TRHDE: variants seen among roughly 807,000 people sequenced by gnomAD.
The protein encoded by TRHDE is thyrotropin-releasing hormone-degrading ectoenzyme.
Under a neutral mutation model 125.7 loss-of-function variants are expected in TRHDE, and 72 were observed. The observed-to-expected ratio is 0.57, with a 90% CI of 0.47 to 0.70. The LOEUF is 0.70. Ranked by LOEUF, TRHDE falls within the 30% of genes least tolerant of loss-of-function variation. The probability of loss-of-function intolerance (pLI) is 0.00; values close to 1 mark genes in which losing one functional copy is unlikely to be tolerated. For missense variants in TRHDE, 1,110 were observed against 1,327.1 expected, an observed-to-expected ratio of 0.84 and a Z score of 2.54; for synonymous variants, 509 against 509.1, an observed-to-expected ratio of 1.00 and a Z score of 0.00.
At chr12:72,304,884 C>T (rs1335986314) in intron 2 of TRHDE, among the ~76,000 whole-genome samples, 1 of 152,084 alleles carries the variant, frequency 6.6e-6, no homozygotes, top group Non-Finnish European at 1.5e-5. Context: ...GCTGATGTCT[C>T]TAGGGAAGTA....
At chr12:72,634,423 CTT>C (rs779986201) in intron 15 of TRHDE, among the ~76,000 whole-genome samples, 41 of 134,246 alleles carry the variant, frequency 3.1e-4, no homozygotes, top group Admixed American at 5.9e-4. Context: ...GGAATATTTT[CTT>C]TTTTTTTTTT....
Position 72,575,554 on chromosome 12 carries a change from T to C in TRHDE, c.2321+12T>C, listed in dbSNP as rs1381749838. ...TTCAGCCTAGCCAGGTATGTTTTCC[T>C]GTGGATCTCCCCAATAAAAACTTGT... On this transcript the variant is annotated intron_variant, in intron 12 of 18. Transcript: ENST00000261180. 1 of 1,613,352 alleles carries C rather than the reference T, an allele frequency of 6.2e-7. No individual in the cohort carries two copies. The highest frequency in any genetic ancestry group is 8.5e-7 in the Non-Finnish European group (1 of 1,179,478).
At position 72,193,070 on chromosome 12, in the gene TRHDE, CT is replaced by C. The variant is rs202231170; in HGVS notation, n.279+87319del. Among the ~76,000 whole-genome samples the C allele has an allele frequency of 1.6e-3, 244 of 151,932 alleles. 5 individuals are homozygous for C. The East Asian group carries it at 0.043, about 27-fold the overall frequency. On this transcript the variant is annotated intron_variant and non_coding_transcript_variant, in intron 2 of 4. Coordinates refer to the TRHDE transcript ENST00000548156. ...TCAGATTCTTGTAATTGGAAATTGT[CT>C]CATTTAAAATTTTTGGCTGGGATCA...
intron 2 of TRHDE, chr12:72,255,275 C>A (rs1263795523): frequency 1.3e-5 from 2 of 152,196 alleles, no homozygotes; most frequent in African/African-American, 2.4e-5. Context: ...ACTGTGTCAA[C>A]CACAAGGAAC....
At position 72,120,464 on chromosome 12, in the gene TRHDE, G is replaced by A. The variant is rs181802892; in HGVS notation, n.279+14712G>A. On this transcript the variant is annotated intron_variant and non_coding_transcript_variant, in intron 2 of 4. Coordinates refer to the TRHDE transcript ENST00000548156. ...CCTTCCTTTAAGGTGATTTTCTCTC[G>A]TGGTATGTTTTAATTTCTTGCTTTC... Among the ~76,000 whole-genome samples the A allele has an allele frequency of 1.5e-4, 22 of 151,250 alleles. No homozygotes were observed. In the East Asian group the frequency reaches 2.7e-3, roughly 19 times the overall value.
chr12:72,526,375 T>C (rs1868337577), intron 6 of TRHDE, among the ~76,000 whole-genome samples: 1 of 152,118 alleles, frequency 6.6e-6, no homozygotes, highest in Non-Finnish European at 1.5e-5. Flanking sequence ...TTGTTTACTT[T>C]TTGTCAGCTT....
At position 72,378,317 on chromosome 12, in the gene TRHDE, A is replaced by T. The variant is rs376807501; in HGVS notation, c.1315+196A>T. On this transcript the variant is annotated intron_variant, in intron 3 of 18. Coordinates refer to ENST00000261180, the MANE Select transcript of TRHDE (RefSeq NM_013381.3). Reference sequence around the variant, plus strand: ...TCTGGAATCTTGCCAATAAGTGCTCATAGGAATTAAGAAAGGCATTATGTT... The same window carrying T: ...TCTGGAATCTTGCCAATAAGTGCTCTTAGGAATTAAGAAAGGCATTATGTT... Among the ~76,000 whole-genome samples the T allele has an allele frequency of 1.1e-3, 173 of 152,338 alleles. 2 individuals carry two copies. In the South Asian group the frequency reaches 0.016, roughly 14 times the overall value.
intron 2 of TRHDE, among the ~76,000 whole-genome samples, chr12:72,215,628 CT>C (rs1424859754): frequency 6.6e-6 from 1 of 152,160 alleles, no homozygotes; most frequent in Admixed American, 6.6e-5. Flanking sequence ...GATCCCACAG[CT>C]TTGTTTTCAA....
At chr12:72,368,257 T>G (rs979475093) in intron 2 of TRHDE, among the ~76,000 whole-genome samples, 3 of 152,168 alleles carry the variant, frequency 2.0e-5, no homozygotes, top group Admixed American at 6.5e-5. Context: ...ATGATAAACT[T>G]AAAAAGTCTG....
intron 2 of TRHDE, among the ~76,000 whole-genome samples, chr12:72,299,784 C>A (rs1263346002): frequency 6.6e-6 from 1 of 152,080 alleles, no homozygotes; most frequent in East Asian, 1.9e-4. Flanking sequence ...AGGAGCCAGA[C>A]AATAAGACAA....
intron 10 of TRHDE, among the ~76,000 whole-genome samples, chr12:72,574,291 G>A (rs1196883264): frequency 6.6e-6 from 1 of 152,080 alleles, no homozygotes; most frequent in African/African-American, 2.4e-5. Context: ...TATGGTTTCT[G>A]TGATGCCTTT....
intron 2 of TRHDE, among the ~76,000 whole-genome samples, chr12:72,192,167 A>T (rs1175810310): frequency 6.6e-6 from 1 of 152,134 alleles, no homozygotes; most frequent in Non-Finnish European, 1.5e-5. Flanking sequence ...AGATTAGTTC[A>T]GGGTCTGCGT....
intron 2 of TRHDE, among the ~76,000 whole-genome samples, chr12:72,240,561 T>C (rs1878456480): frequency 6.6e-6 from 1 of 151,514 alleles, no homozygotes; most frequent in Non-Finnish European, 1.5e-5. Flanking sequence ...CCTTTCTTTC[T>C]CCAATTAATT....
At chr12:72,542,223 G>A (rs1344347268) in intron 6 of TRHDE, 68 bp from the exon 7 acceptor site, 12 of 1,235,330 alleles carry the variant, frequency 9.7e-6, no homozygotes, top group Non-Finnish European at 6.8e-6. Context: ...GACTAGATTT[G>A]AGTAAAACAA....
chr12:72,482,081 T>C (rs1877199936), intron 5 of TRHDE, among the ~76,000 whole-genome samples: 2 of 151,996 alleles, frequency 1.3e-5, no homozygotes, highest in Non-Finnish European at 2.9e-5. Context: ...TTTCATTCAT[T>C]CTATTTATTT....
At chr12:72,312,108 G>A (rs975311326) in intron 2 of TRHDE, among the ~76,000 whole-genome samples, 18 of 152,092 alleles carry the variant, frequency 1.2e-4, no homozygotes, top group South Asian at 2.1e-4. Context: ...TGTTATCACC[G>A]TTTACAGGCA....
At chr12:72,113,185 AT>A (rs1054652406) in intron 2 of TRHDE, among the ~76,000 whole-genome samples, 7 of 149,878 alleles carry the variant, frequency 4.7e-5, no homozygotes, top group East Asian at 2.0e-4. Flanking sequence ...ACCTGGCTAA[AT>A]TTTTTTTTTC....
chr12:72,232,465 G>GT (rs1878265339), intron 2 of TRHDE, among the ~76,000 whole-genome samples: 1 of 152,118 alleles, frequency 6.6e-6, no homozygotes, highest in Non-Finnish European at 1.5e-5. Flanking sequence ...GGACTCCAGG[G>GT]TGAATAGTTT....
intron 2 of TRHDE, among the ~76,000 whole-genome samples, chr12:72,116,994 C>T (rs565414267): frequency 9.9e-5 from 15 of 152,034 alleles, no homozygotes; most frequent in African/African-American, 3.4e-4. Flanking sequence ...GGTTATTAAT[C>T]CCCTGTCTGA....
Sources: gnomAD v4.1 joint callset for allele counts (sites outside exome capture counted in the v4.1 genomes callset) on GRCh38, gnomAD v4.1.1 for gene constraint, MANE v1.5 for transcripts, NCBI Gene and HGNC (gene_info 2026-07-23, HGNC 2026-07-21) for gene names.